The following TMEM232 variants were observed in gnomAD, a reference collection of about 807,000 sequenced individuals.
TMEM232 encodes the protein transmembrane protein 232.
TMEM232 carries 80 observed loss-of-function variants against 78.8 expected under a neutral mutation model. That is an observed-to-expected ratio of 1.01 (90% CI 0.85 to 1.22). TMEM232 has a LOEUF of 1.22. TMEM232 is among the 50% of genes most tolerant of loss of function. The pLI, the probability that TMEM232 is intolerant of heterozygous loss-of-function variation, is 0.00. For synonymous variants in TMEM232, 297 were observed against 254.3 expected, an observed-to-expected ratio of 1.17 and a Z score of -1.60; for missense variants, 881 against 742.2, an observed-to-expected ratio of 1.19 and a Z score of -2.17.
chr5:110,735,106 G>A (rs1478989006), intron 1 of TMEM232: 1 of 152,216 alleles, frequency 6.6e-6, no homozygotes, highest in Non-Finnish European at 1.5e-5. Context: ...ATATGTTGCT[G>A]AGTGAATTCT....
At chr5:110,502,679 C>T (rs78261518) in intron 12 of TMEM232, among the ~76,000 whole-genome samples, 5,491 of 152,238 alleles carry the variant, frequency 0.036, 284 homozygotes, top group East Asian at 0.23. Context: ...CCTCCTTCCA[C>T]TTTCCCCTCA....
chr5:110,703,111 C>A (rs1035996858), intron 1 of TMEM232, among the ~76,000 whole-genome samples: 17 of 151,888 alleles, frequency 1.1e-4, no homozygotes. Flanking sequence ...GCCAAAAAGG[C>A]TACTATAACA....
At chr5:110,524,732 T>C (rs961845249) in intron 12 of TMEM232, among the ~76,000 whole-genome samples, 2 of 152,198 alleles carry the variant, frequency 1.3e-5, no homozygotes, top group Non-Finnish European at 2.9e-5. Context: ...TTATCCATTA[T>C]TGAATGTGGG....
At chr5:110,613,615 C>A (rs1325434209) in intron 8 of TMEM232, among the ~76,000 whole-genome samples, 1 of 152,108 alleles carries the variant, frequency 6.6e-6, no homozygotes, top group Non-Finnish European at 1.5e-5. Flanking sequence ...TCCAGCAAAT[C>A]CTGATGAAGT....
chr5:110,587,483 T>C (rs1778952641), intron 10 of TMEM232, among the ~76,000 whole-genome samples: 1 of 151,912 alleles, frequency 6.6e-6, no homozygotes, highest in African/African-American at 2.4e-5. Context: ...TGTTAGTTTG[T>C]TGTGCACAAA....
intron 12 of TMEM232, among the ~76,000 whole-genome samples, chr5:110,459,144 T>C (rs889701701): frequency 2.0e-5 from 3 of 152,182 alleles, no homozygotes; most frequent in Non-Finnish European, 2.9e-5. Flanking sequence ...GTAGCAAATA[T>C]AAATATTAGA....
At chr5:110,665,460 G>A (rs1790436642) in intron 2 of TMEM232, among the ~76,000 whole-genome samples, 1 of 152,134 alleles carries the variant, frequency 6.6e-6, no homozygotes, top group Middle Eastern at 3.4e-3. Flanking sequence ...GGCTGGGGAG[G>A]CCACAGGAAA....
chr5:110,479,547 G>A (rs1763634861), intron 12 of TMEM232, among the ~76,000 whole-genome samples: 2 of 151,740 alleles, frequency 1.3e-5, no homozygotes, highest in South Asian at 4.1e-4. Context: ...GTATTATAAA[G>A]TATATATCAT....
At chr5:110,473,089 T>C (rs1409027473) in intron 12 of TMEM232, among the ~76,000 whole-genome samples, 1 of 148,786 alleles carries the variant, frequency 6.7e-6, no homozygotes, top group Non-Finnish European at 1.5e-5. Flanking sequence ...TAAGATTATA[T>C]CAAACATATC....
intron 8 of TMEM232, among the ~76,000 whole-genome samples, chr5:110,608,434 A>G (rs1261428615): frequency 6.6e-6 from 1 of 151,796 alleles, no homozygotes; most frequent in Non-Finnish European, 1.5e-5. Context: ...ACTACTTATC[A>G]TTTATACTTC....
chr5:110,489,093 A>G (rs2149413175), intron 12 of TMEM232, among the ~76,000 whole-genome samples: 1 of 152,122 alleles, frequency 6.6e-6, no homozygotes, highest in South Asian at 2.1e-4. Flanking sequence ...AAAGTGCAGC[A>G]TAGAATGGCT....
At position 110,609,720 on chromosome 5, in the gene TMEM232, G is replaced by A. The variant is rs533871937; in HGVS notation, c.903-3433C>T. 3.9e-5 allele frequency among the ~76,000 whole-genome samples: 6 copies of A among 152,172 alleles called. No homozygotes were observed. The East Asian group carries it at 1.2e-3, about 29-fold the overall frequency. ...TGCCTGATAATTTTACACATTGAGT[G>A]TTGTAATTTTTACCAACTTTGTTAT... is the stretch of plus-strand genomic sequence containing the variant. On this transcript the variant is annotated intron_variant, in intron 8 of 13. Coordinates refer to ENST00000455884, the MANE Select transcript of TMEM232 (RefSeq NM_001039763.4).
intron 1 of TMEM232, among the ~76,000 whole-genome samples, chr5:110,697,284 T>G (rs577767280): frequency 6.6e-6 from 1 of 152,218 alleles, no homozygotes; most frequent in South Asian, 2.1e-4. Context: ...TTACACCTTA[T>G]ACAAAAATTA....
chr5:110,547,418 ACT>A (rs1773912248), intron 11 of TMEM232, among the ~76,000 whole-genome samples: 1 of 152,226 alleles, frequency 6.6e-6, no homozygotes, highest in Non-Finnish European at 1.5e-5. Flanking sequence ...CCACACAGGT[ACT>A]AATCACTTTA....
At chr5:110,498,966 C>T (rs1765914423) in intron 12 of TMEM232, among the ~76,000 whole-genome samples, 2 of 152,064 alleles carry the variant, frequency 1.3e-5, no homozygotes, top group African/African-American at 4.8e-5. Flanking sequence ...CTACAATGTT[C>T]TTACATATGA....
intron 12 of TMEM232, among the ~76,000 whole-genome samples, chr5:110,470,606 C>T (rs1762564128): frequency 6.6e-6 from 1 of 152,260 alleles, no homozygotes; most frequent in African/African-American, 2.4e-5. Context: ...TGTGCTGCCA[C>T]CATCACTCCT....
At chr5:110,475,445 AT>A (rs61667699) in intron 12 of TMEM232, among the ~76,000 whole-genome samples, 6,310 of 110,082 alleles carry the variant, frequency 0.057, 491 homozygotes, top group African/African-American at 0.19. Flanking sequence ...TTATACTTTG[AT>A]TTTTTTTTTT....
At chr5:110,681,038 C>T (rs954084057) in intron 1 of TMEM232, among the ~76,000 whole-genome samples, 3 of 152,028 alleles carry the variant, frequency 2.0e-5, no homozygotes, top group African/African-American at 4.8e-5. Context: ...GACGACACTC[C>T]AACACCAGGA....
At chr5:110,517,485 C>A (rs1276582358) in intron 12 of TMEM232, among the ~76,000 whole-genome samples, 1 of 152,200 alleles carries the variant, frequency 6.6e-6, no homozygotes, top group Non-Finnish European at 1.5e-5. Flanking sequence ...ACTGTTTAGC[C>A]AGGCCTGATC....
Sources: allele counts gnomAD v4.1 joint callset (sites outside exome capture counted in the v4.1 genomes callset), GRCh38; gene constraint gnomAD v4.1.1; transcripts MANE v1.5; gene names NCBI Gene and HGNC (gene_info 2026-07-23, HGNC 2026-07-21).